GSTCD: variants seen among roughly 807,000 people sequenced by gnomAD.
The protein encoded by GSTCD is glutathione S-transferase C-terminal domain containing, also known as glutathione S-transferase C-terminal domain-containing protein.
In GSTCD, 44 loss-of-function variants were observed where a neutral mutation model predicts 68.3. That is an observed-to-expected ratio of 0.64 (90% CI 0.51 to 0.83). The LOEUF is 0.83. Ranked by LOEUF, GSTCD falls within the 40% of genes least tolerant of loss-of-function variation. The probability of loss-of-function intolerance (pLI) is 0.00; values close to 1 mark genes in which losing one functional copy is unlikely to be tolerated. For missense variants in GSTCD, 739 were observed against 735.9 expected (o/e 1.00, Z -0.05); for synonymous variants, 273 against 255.2 (o/e 1.07, Z -0.67).
chr4:105,776,605 C>T (rs1047006912), intron 5 of GSTCD, among the ~76,000 whole-genome samples: 22 of 152,148 alleles, frequency 1.4e-4, no homozygotes, highest in South Asian at 2.1e-4. Context: ...TTCCCTGACA[C>T]CTTGCACTTC....
chr4:105,823,217 A>T lies in GSTCD; in HGVS notation c.1357-14A>T. ...GGACCAAAGCTAACTTGTTTGTCTT[A>T]CTGACTTTTTCAGGGCCATGTTGGA... On this transcript the variant is annotated splice_polypyrimidine_tract_variant and intron_variant, in intron 6 of 11. Coordinates refer to ENST00000515279, the MANE Select transcript of GSTCD (RefSeq NM_001370181.1). The T allele has an allele frequency of 6.2e-7, 1 of 1,613,256 alleles. No homozygotes were observed. The highest frequency in any genetic ancestry group is 8.5e-7 in the Non-Finnish European group (1 of 1,179,198).
At chr4:105,836,484 G>C (rs998613077) in intron 9 of GSTCD, among the ~76,000 whole-genome samples, 1 of 152,186 alleles carries the variant, frequency 6.6e-6, no homozygotes, top group Non-Finnish European at 1.5e-5. Flanking sequence ...TCTGCCTCCT[G>C]TTGCCATCAA....
intron 5 of GSTCD, among the ~76,000 whole-genome samples, chr4:105,822,525 T>G (rs972277404): frequency 2.0e-5 from 3 of 152,212 alleles, no homozygotes; most frequent in African/African-American, 7.2e-5. Flanking sequence ...TGTGTTGAAA[T>G]TAGGTACTCT....
Position 105,746,686 on chromosome 4 carries a change from A to T in GSTCD, c.1240+17187A>T, listed in dbSNP as rs546171045. 7.9e-5 allele frequency among the ~76,000 whole-genome samples: 12 copies of T among 152,198 alleles called. No individual in the cohort carries two copies. In the South Asian group the frequency reaches 2.3e-3, roughly 29 times the overall value. On this transcript the variant is annotated intron_variant, in intron 5 of 11. Transcript: ENST00000515279. ...TAGCAAGATATTCTTATCAACCTTT[A>T]TGTGTAGTTATTATTGTTGACTAAA...
chr4:105,803,257 A>G (rs1052366719), intron 5 of GSTCD, among the ~76,000 whole-genome samples: 2 of 152,070 alleles, frequency 1.3e-5, no homozygotes, highest in African/African-American at 2.4e-5. Context: ...TGTTGGTACT[A>G]TTCTCAAATG....
At chr4:105,807,203 T>C (rs1182656853) in intron 5 of GSTCD, 2 of 152,104 alleles carry the variant, frequency 1.3e-5, no homozygotes, top group Non-Finnish European at 2.9e-5. Flanking sequence ...TTATCTGACA[T>C]ACACATTTTT....
chr4:105,832,820 T>A (rs1024246986), intron 8 of GSTCD, among the ~76,000 whole-genome samples: 1 of 152,220 alleles, frequency 6.6e-6, no homozygotes, highest in Admixed American at 6.5e-5. Flanking sequence ...ATTTTTACTA[T>A]GAAATTTTCT....
At chr4:105,720,341 G>GT (rs1732822371) in intron 3 of GSTCD, among the ~76,000 whole-genome samples, 1 of 152,048 alleles carries the variant, frequency 6.6e-6, no homozygotes, top group Non-Finnish European at 1.5e-5. Flanking sequence ...TTTTGTTTGG[G>GT]TTTTTTTCTT....
intron 7 of GSTCD, among the ~76,000 whole-genome samples, chr4:105,825,349 C>T (rs982434867): frequency 1.3e-5 from 2 of 152,180 alleles, no homozygotes; most frequent in Non-Finnish European, 2.9e-5. Context: ...AGGCTAATCT[C>T]GAGTTCCTGA....
chr4:105,787,945 A>C (rs1409461834), intron 5 of GSTCD, among the ~76,000 whole-genome samples: 1 of 152,102 alleles, frequency 6.6e-6, no homozygotes, highest in African/African-American at 2.4e-5. Flanking sequence ...CTGACTACAA[A>C]ATTGATAAAG....
Position 105,726,700 on chromosome 4 carries a change from T to G in GSTCD, c.1016T>G (p.Phe339Cys), listed in dbSNP as rs752058665. ...KTAASKCGIQ[F>C]LHLPKLLTTS... ...GCAGCTTCTAAGTGTGGGATCCAAT[T>G]TCTCCATTTACCAAAGTTGTTGACA... Residue 339 changes from phenylalanine (F) to cysteine (C), a missense_variant, in exon 4 of 12, where the codon TTT becomes TGT. Coordinates refer to ENST00000515279, the MANE Select transcript of GSTCD (RefSeq NM_001370181.1). 6.2e-7 allele frequency: 1 copy of G among 1,613,970 alleles called. No individual in the cohort carries two copies. Among genetic ancestry groups the G allele is most frequent in the East Asian group, 2.2e-5 (1 of 44,862 alleles).
intron 5 of GSTCD, among the ~76,000 whole-genome samples, chr4:105,814,226 G>A (rs1722874553): frequency 6.6e-6 from 1 of 152,094 alleles, no homozygotes; most frequent in African/African-American, 2.4e-5. Context: ...GATAAGATAT[G>A]GTCACCCACA....
chr4:105,824,246 A>T (rs1307725888), intron 7 of GSTCD, among the ~76,000 whole-genome samples: 1 of 152,166 alleles, frequency 6.6e-6, no homozygotes, highest in Non-Finnish European at 1.5e-5. Context: ...TAGAGAATAA[A>T]CAGGAAAATA....
chr4:105,720,384 T>C (rs537597711), intron 3 of GSTCD, among the ~76,000 whole-genome samples: 2 of 152,316 alleles, frequency 1.3e-5, no homozygotes, highest in African/African-American at 2.4e-5. Context: ...TACTAAGGAA[T>C]CAGATATTAG....
chr4:105,812,053 T>C (rs554891210), intron 5 of GSTCD, among the ~76,000 whole-genome samples: 1 of 152,324 alleles, frequency 6.6e-6, no homozygotes, highest in African/African-American at 2.4e-5. Flanking sequence ...GAGAGCAGTG[T>C]GAACTGAACT....
intron 7 of GSTCD, among the ~76,000 whole-genome samples, chr4:105,824,667 G>A (rs753524415): frequency 3.3e-5 from 5 of 152,074 alleles, no homozygotes; most frequent in African/African-American, 7.2e-5. Flanking sequence ...CTCTGGCCTT[G>A]TTGCCACCAA....
intron 5 of GSTCD, among the ~76,000 whole-genome samples, chr4:105,734,696 T>C (rs1733392995): frequency 6.6e-6 from 1 of 152,382 alleles, no homozygotes; most frequent in South Asian, 2.1e-4. Context: ...AGTCATTCTC[T>C]GTCCATCTTT....
At chr4:105,755,056 CAAAAAAAAAAAAAAAAAAAAA>C (rs70941214) in intron 5 of GSTCD, among the ~76,000 whole-genome samples, 14 of 51,010 alleles carry the variant, frequency 2.7e-4, no homozygotes, top group African/African-American at 9.5e-4. Context: ...CTCATTTCTC[CAAAAAAAAAAAAAAAAAAAAA>C]AAAAAAAAAA....
chr4:105,718,317 A>G (rs1156562237), intron 2 of GSTCD, among the ~76,000 whole-genome samples: 1 of 152,138 alleles, frequency 6.6e-6, no homozygotes, highest in Non-Finnish European at 1.5e-5. Context: ...TGGTGCTCTC[A>G]CTGGGGTAAT....
Sources: gnomAD v4.1 joint callset for allele counts (sites outside exome capture counted in the v4.1 genomes callset) on GRCh38, gnomAD v4.1.1 for gene constraint, MANE v1.5 for transcripts, NCBI Gene and HGNC (gene_info 2026-07-23, HGNC 2026-07-21) for gene names.